Variants in ANKS1A observed in about 807,000 individuals in gnomAD.
The protein encoded by ANKS1A is ankyrin repeat and sterile alpha motif domain containing 1A, also known as ankyrin repeat and SAM domain-containing protein 1A.
ANKS1A carries 55 observed loss-of-function variants against 120.3 expected under a neutral mutation model. That is an observed-to-expected ratio of 0.46 (90% CI 0.37 to 0.57). The LOEUF (loss-of-function observed/expected upper bound fraction) is 0.57. Ranked by LOEUF, ANKS1A falls within the 20% of genes least tolerant of loss-of-function variation. ANKS1A has a pLI of 0.00. For synonymous variants in ANKS1A, 590 were observed against 604.7 expected, an observed-to-expected ratio of 0.98 and a Z score of 0.36; for missense variants, 1,123 against 1,480.3, an observed-to-expected ratio of 0.76 and a Z score of 3.96.
chr6:34,971,504 T>C (rs148102390), intron 3 of ANKS1A, among the ~76,000 whole-genome samples: 75 of 152,302 alleles, frequency 4.9e-4, no homozygotes, highest in African/African-American at 1.8e-3. Flanking sequence ...CCCTTTCCTC[T>C]CTCTGCTCTG....
Position 35,079,913 on chromosome 6 carries a change from A to G in ANKS1A, c.2529A>G (p.Arg843=), listed in dbSNP as rs773986090. 1 of 1,557,686 alleles carries G rather than the reference A, an allele frequency of 6.4e-7. No homozygotes were observed. The highest frequency in any genetic ancestry group is 8.7e-7 in the Non-Finnish European group (1 of 1,150,416). The change falls in exon 16 of 24, where the codon AGA becomes AGG. Residue 843 remains arginine (R), a synonymous_variant. Coordinates refer to ENST00000360359, the MANE Select transcript of ANKS1A (RefSeq NM_015245.3). ...AGGAGCCGCCCCAGAAGCCCCCCAGATTCTCCCAGCTGAGGGTGAGTCGGG... is the reference window on the plus strand; with the variant it reads ...AGGAGCCGCCCCAGAAGCCCCCCAGGTTCTCCCAGCTGAGGGTGAGTCGGG... ...PYEEPPQKPP[R]FSQLRCQDLL...
At chr6:34,932,561 T>G (rs963866237) in intron 1 of ANKS1A, among the ~76,000 whole-genome samples, 4 of 152,214 alleles carry the variant, frequency 2.6e-5, no homozygotes, top group Non-Finnish European at 5.9e-5. Flanking sequence ...ATTTTTGTAT[T>G]TTTAGCAGAG....
At chr6:35,093,173 T>C (rs567424425), downstream of ANKS1A, among the ~76,000 whole-genome samples, 23 of 152,228 alleles carry the variant, frequency 1.5e-4, no homozygotes, top group Admixed American at 8.5e-4. Context: ...GAGACCGCTT[T>C]TTTCAGGATT....
chr6:34,972,131 T>C (rs1771214743), intron 3 of ANKS1A, among the ~76,000 whole-genome samples: 1 of 152,192 alleles, frequency 6.6e-6, no homozygotes, highest in Non-Finnish European at 1.5e-5. Flanking sequence ...CTAATCCTCT[T>C]TGCTCACGTT....
intron 1 of ANKS1A, among the ~76,000 whole-genome samples, chr6:34,960,752 G>A (rs1444334746): frequency 6.6e-6 from 1 of 152,064 alleles, no homozygotes; most frequent in Non-Finnish European, 1.5e-5. Flanking sequence ...TCATGTGAAA[G>A]CAGGTTAGCT....
At chr6:34,951,529 G>A (rs1255678604) in intron 1 of ANKS1A, among the ~76,000 whole-genome samples, 1 of 152,090 alleles carries the variant, frequency 6.6e-6, no homozygotes, top group African/African-American at 2.4e-5. Context: ...AACCACATGT[G>A]GAATACTGTT....
chr6:35,059,502 C>G (rs1455059118), intron 12 of ANKS1A, among the ~76,000 whole-genome samples: 1 of 152,242 alleles, frequency 6.6e-6, no homozygotes. Flanking sequence ...CTGCCGTGTT[C>G]TGTGCTGCTT....
intron 6 of ANKS1A, 30 bp from the exon 7 acceptor site, chr6:34,983,294 T>A: frequency 1.9e-6 from 3 of 1,612,798 alleles, no homozygotes; most frequent in Non-Finnish European, 2.5e-6. Context: ...GCAGCACTTT[T>A]TATTTTTATT....
At chr6:34,902,309 C>T (rs1010020792) in intron 1 of ANKS1A, among the ~76,000 whole-genome samples, 2 of 151,826 alleles carry the variant, frequency 1.3e-5, no homozygotes, top group African/African-American at 2.4e-5. Flanking sequence ...GAGTGCAATG[C>T]GTGATCTCGG....
At chr6:35,020,140 A>G (rs972012204) in intron 11 of ANKS1A, among the ~76,000 whole-genome samples, 7 of 152,340 alleles carry the variant, frequency 4.6e-5, no homozygotes, top group African/African-American at 1.4e-4. Flanking sequence ...GGCCTCGAGC[A>G]TCAGGCCAAG....
chr6:35,078,770 C>T (rs1257271373), intron 14 of ANKS1A, 114 bp downstream of exon 14: 7 of 1,003,348 alleles, frequency 7.0e-6, no homozygotes, highest in Non-Finnish European at 1.0e-5. Flanking sequence ...CACATCATAG[C>T]AGGACCTCTA....
At chr6:34,990,739 A>T (rs1772460610) in intron 9 of ANKS1A, among the ~76,000 whole-genome samples, 1 of 152,194 alleles carries the variant, frequency 6.6e-6, no homozygotes, top group African/African-American at 2.4e-5. Context: ...AGAAGGGGGA[A>T]ATCTTCATAT....
At chr6:34,977,981 T>C (rs1374246580) in intron 3 of ANKS1A, among the ~76,000 whole-genome samples, 5 of 151,758 alleles carry the variant, frequency 3.3e-5, no homozygotes, top group African/African-American at 1.2e-4. Context: ...TTTTTTGAGA[T>C]GGAGTCTCAC....
chr6:34,976,780 G>A (rs948037677), intron 3 of ANKS1A, among the ~76,000 whole-genome samples: 2 of 21,620 alleles, frequency 9.3e-5, no homozygotes, highest in African/African-American at 1.4e-4. Flanking sequence ...GTGTGTGCGT[G>A]TGTGTGTGTG....
At chr6:34,901,607 C>A (rs1356213395) in intron 1 of ANKS1A, among the ~76,000 whole-genome samples, 1 of 152,158 alleles carries the variant, frequency 6.6e-6, no homozygotes, top group Non-Finnish European at 1.5e-5. Context: ...GCCTCCTGGG[C>A]TCAAGCAATC....
At chr6:34,952,930 G>A (rs1313518393) in intron 1 of ANKS1A, among the ~76,000 whole-genome samples, 2 of 152,024 alleles carry the variant, frequency 1.3e-5, no homozygotes, top group Non-Finnish European at 2.9e-5. Flanking sequence ...GGCTGGTCTC[G>A]AACTCCTGAC....
chr6:35,026,533 T>A (rs968476643), intron 11 of ANKS1A, among the ~76,000 whole-genome samples: 1 of 151,998 alleles, frequency 6.6e-6, no homozygotes, highest in African/African-American at 2.4e-5. Flanking sequence ...TGGGAGTGGT[T>A]ATGAGAACAA....
intron 1 of ANKS1A, among the ~76,000 whole-genome samples, chr6:34,944,795 A>T (rs1237625906): frequency 2.0e-5 from 3 of 152,218 alleles, no homozygotes; most frequent in Admixed American, 2.0e-4. Flanking sequence ...TGTGTTGTTC[A>T]AGGGTCAGCT....
intron 11 of ANKS1A, among the ~76,000 whole-genome samples, chr6:35,041,380 C>T (rs1435187559): frequency 6.6e-6 from 1 of 152,170 alleles, no homozygotes; most frequent in Non-Finnish European, 1.5e-5. Context: ...GAATTGTGGG[C>T]AGCTCGGGGG....
Sources: allele counts gnomAD v4.1 joint callset (sites outside exome capture counted in the v4.1 genomes callset), GRCh38; gene constraint gnomAD v4.1.1; transcripts MANE v1.5; gene names NCBI Gene and HGNC (gene_info 2026-07-23, HGNC 2026-07-21).